CIMAP1D: variants seen among roughly 807,000 people sequenced by gnomAD.
CIMAP1D encodes CIMAP1 family member D.
the CIMAP1D span, chr19:489,942 G>A: frequency 2.5e-6 from 1 of 397,870 alleles, no homozygotes; most frequent in Admixed American, 4.4e-5. Context: ...TTTGGCCCCT[G>A]CCCGGTGCTG....
the CIMAP1D span, among the ~76,000 whole-genome samples, chr19:465,257 GTGGATGGA>G: frequency 4.8e-4 from 65 of 135,504 alleles, no homozygotes; most frequent in South Asian, 0.014. Context: ...GGGTGGATGG[GTGGATGGA>G]TGGATGGATG....
the CIMAP1D span, among the ~76,000 whole-genome samples, chr19:470,703 C>A: frequency 6.6e-6 from 1 of 152,208 alleles, no homozygotes; most frequent in African/African-American, 2.4e-5. Flanking sequence ...CAAATCCCCA[C>A]ACAAGACCCT....
the CIMAP1D span, among the ~76,000 whole-genome samples, chr19:476,479 C>G: frequency 6.6e-6 from 1 of 152,152 alleles, no homozygotes; most frequent in African/African-American, 2.4e-5. Flanking sequence ...CGTAAGCCAC[C>G]GTGCCTGGCC....
chr19:466,529 T>C, the CIMAP1D span, among the ~76,000 whole-genome samples: 1 of 149,028 alleles, frequency 6.7e-6, no homozygotes, highest in African/African-American at 2.5e-5. Context: ...GGTGGATAGA[T>C]GGATGAGTTG....
At chr19:464,075 G>A in the CIMAP1D span, 1 of 1,561,402 alleles carries the variant, frequency 6.4e-7, no homozygotes, top group Non-Finnish European at 8.6e-7. Flanking sequence ...GGCGGTAGGT[G>A]TTTGCGTCCG....
the CIMAP1D span, among the ~76,000 whole-genome samples, chr19:486,645 T>C: frequency 2.0e-5 from 3 of 151,720 alleles, no homozygotes; most frequent in Non-Finnish European, 2.9e-5. Flanking sequence ...CCGGGAGCGG[T>C]GGCTCACGCC....
the CIMAP1D span, among the ~76,000 whole-genome samples, chr19:475,591 G>A: frequency 1.3e-5 from 2 of 152,228 alleles, no homozygotes; most frequent in East Asian, 3.9e-4. Context: ...GGACAGCGGG[G>A]AGGTGAGAGC....
the CIMAP1D span, chr19:472,758 G>T: frequency 9.5e-5 from 48 of 507,306 alleles, no homozygotes; most frequent in Non-Finnish European, 1.6e-4. Flanking sequence ...ACTGGGGCCT[G>T]AGCCTCCCAG....
the CIMAP1D span, among the ~76,000 whole-genome samples, chr19:480,369 G>A: frequency 6.6e-6 from 1 of 152,232 alleles, no homozygotes; most frequent in Non-Finnish European, 1.5e-5. Flanking sequence ...GGTGACATCT[G>A]GGAGAGCAAA....
the CIMAP1D span, among the ~76,000 whole-genome samples, chr19:481,424 GA>G: frequency 1.6e-3 from 116 of 70,660 alleles, 5 homozygotes; most frequent in African/African-American, 7.7e-3. Context: ...AAGGATGATG[GA>G]GAAGGATGAT....
At chr19:484,101 C>T in the CIMAP1D span, among the ~76,000 whole-genome samples, 2 of 150,972 alleles carry the variant, frequency 1.3e-5, no homozygotes, top group Non-Finnish European at 3.0e-5. Flanking sequence ...ACACATGTCT[C>T]TCTTGTTTTA....
the CIMAP1D span, chr19:467,509 G>C: frequency 1.4e-6 from 1 of 696,484 alleles, no homozygotes; most frequent in African/African-American, 1.8e-5. Flanking sequence ...CCCCTCCTCC[G>C]TGTCCCTTGG....
the CIMAP1D span, among the ~76,000 whole-genome samples, chr19:471,891 C>T: frequency 3.3e-5 from 5 of 151,716 alleles, no homozygotes; most frequent in Non-Finnish European, 5.9e-5. Context: ...TACAGGCGCC[C>T]GCCACCACGC....
At chr19:470,253 C>T in the CIMAP1D span, among the ~76,000 whole-genome samples, 1 of 147,774 alleles carries the variant, frequency 6.8e-6, no homozygotes, top group Non-Finnish European at 1.5e-5. Flanking sequence ...CTCACCCAGG[C>T]TGGAGTGCAG....
chr19:467,584 G>A, the CIMAP1D span: 1 of 995,948 alleles, frequency 1.0e-6, no homozygotes, highest in Non-Finnish European at 1.6e-6. Context: ...GGGAGGACAG[G>A]GCAGGAGAGT....
At chr19:479,532 G>A in the CIMAP1D span, among the ~76,000 whole-genome samples, 8 of 151,488 alleles carry the variant, frequency 5.3e-5, no homozygotes, top group African/African-American at 7.3e-5. Flanking sequence ...AGCCTCTCGC[G>A]TAGCTGGGAT....
At chr19:481,489 G>T in the CIMAP1D span, among the ~76,000 whole-genome samples, 1 of 62,122 alleles carries the variant, frequency 1.6e-5, no homozygotes, top group Non-Finnish European at 2.7e-5. Flanking sequence ...AGGATGATGG[G>T]AAGGATGATG....
the CIMAP1D span, chr19:464,033 C>T: frequency 3.1e-6 from 5 of 1,601,228 alleles, no homozygotes; most frequent in Non-Finnish European, 4.3e-6. Context: ...GGGCCCGGGG[C>T]CGCCCCAGCA....
the CIMAP1D span, among the ~76,000 whole-genome samples, chr19:482,841 G>C: frequency 0.42 from 64,031 of 152,006 alleles, 15,244 homozygotes; most frequent in African/African-American, 0.66. Context: ...CATCATACGA[G>C]CACCCCAGCC....
Sources: allele counts gnomAD v4.1 joint callset (sites outside exome capture counted in the v4.1 genomes callset), GRCh38; gene constraint gnomAD v4.1.1; transcripts MANE v1.5; gene names NCBI Gene and HGNC (gene_info 2026-07-23, HGNC 2026-07-21).